Variants in STRN3 observed in about 807,000 individuals in gnomAD.
STRN3 encodes striatin 3.
STRN3 carries 29 observed loss-of-function variants against 95.6 expected under a neutral mutation model. That is an observed-to-expected ratio of 0.30 (90% CI 0.23 to 0.41). The LOEUF (loss-of-function observed/expected upper bound fraction) is 0.41, where lower values mean the gene tolerates loss of function less well. STRN3 is among the 10% of genes least tolerant of loss of function. STRN3 has a pLI of 1.00. For synonymous variants in STRN3, 331 were observed against 357.6 expected, an observed-to-expected ratio of 0.93 and a Z score of 0.84; for missense variants, 890 against 972.1, an observed-to-expected ratio of 0.92 and a Z score of 1.12.
chr14:31,004,791 T>G (rs1882640973), intron 1 of STRN3, among the ~76,000 whole-genome samples: 4 of 152,080 alleles, frequency 2.6e-5, no homozygotes, highest in Admixed American at 2.6e-4. Context: ...AAAATTTTTT[T>G]TTTTTAAATC....
At chr14:30,994,175 G>A (rs781359241) in intron 1 of STRN3, among the ~76,000 whole-genome samples, 13 of 151,824 alleles carry the variant, frequency 8.6e-5, no homozygotes, top group Non-Finnish European at 1.9e-4. Flanking sequence ...CAGGCCTGGC[G>A]AGACGGGGTT....
At chr14:30,957,505 T>C (rs1053594615) in intron 1 of STRN3, among the ~76,000 whole-genome samples, 1 of 152,054 alleles carries the variant, frequency 6.6e-6, no homozygotes, top group East Asian at 1.9e-4. Flanking sequence ...AATCTTTCCA[T>C]TGTACCACCC....
At chr14:31,020,960 T>A (rs1363217430) in intron 1 of STRN3, among the ~76,000 whole-genome samples, 1 of 151,998 alleles carries the variant, frequency 6.6e-6, no homozygotes, top group Admixed American at 6.6e-5. Flanking sequence ...AAAGTCTGTG[T>A]CTCATACATC....
intron 1 of STRN3, among the ~76,000 whole-genome samples, chr14:30,971,395 G>C (rs917647745): frequency 6.6e-6 from 1 of 152,198 alleles, no homozygotes; most frequent in African/African-American, 2.4e-5. Context: ...AGGAATACCA[G>C]ATCAATTTAA....
intron 1 of STRN3, chr14:31,018,525 T>C (rs1298833825): frequency 1.6e-5 from 7 of 427,278 alleles, no homozygotes; most frequent in East Asian, 7.2e-5. Context: ...GAAACAACTA[T>C]GGTAAAGGAC....
At chr14:30,903,047 C>G (rs1265511530) in intron 15 of STRN3, among the ~76,000 whole-genome samples, 3 of 151,656 alleles carry the variant, frequency 2.0e-5, no homozygotes, top group African/African-American at 7.2e-5. Flanking sequence ...CCTACACTGA[C>G]AAAAACAAAA....
intron 1 of STRN3, among the ~76,000 whole-genome samples, chr14:31,024,359 G>T (rs1175678814): frequency 1.3e-5 from 2 of 152,158 alleles, no homozygotes; most frequent in Non-Finnish European, 2.9e-5. Flanking sequence ...AATTAAGTTT[G>T]CAGTATGTAG....
rs1566441354 is a variant in STRN3, at chr14:30,929,960, A to ACAAAAC, written c.989-650_989-649insGTTTTG. ...GGTCTACAACTAAGATTAGCAAAAA[A>ACAAAAC]AAAAAAAAAAAAAAAAAAACTCAAA... is the stretch of plus-strand genomic sequence containing the variant. On this transcript the variant is annotated intron_variant, in intron 7 of 17. Coordinates refer to ENST00000357479, the MANE Select transcript of STRN3 (RefSeq NM_001083893.2). Among the ~76,000 whole-genome samples the ACAAAAC allele has an allele frequency of 2.7e-3, 391 of 142,916 alleles. 5 individuals carry two copies. The highest frequency in any genetic ancestry group is 9.6e-3 in the African/African-American group (377 of 39,224). The allele number at this position is 142,916 out of a possible 152,430, so 93.8% of individuals were successfully genotyped here.
rs192347585 is a variant in STRN3, at chr14:30,965,088, G to C, written c.283-8846C>G. ...ACGATAACACACTATTTTGAGTATT[G>C]ACTTCCTTTCTTGCAGGCTTGATTT... On this transcript the variant is annotated intron_variant, in intron 1 of 17. Coordinates refer to ENST00000357479, the MANE Select transcript of STRN3 (RefSeq NM_001083893.2). Among the ~76,000 whole-genome samples the C allele has an allele frequency of 5.3e-5, 8 of 152,188 alleles. 1 individual carries two copies. The highest frequency in any genetic ancestry group is 3.9e-4 in the Admixed American group (6 of 15,292).
chr14:31,024,652 TAA>T (rs1317856720), intron 1 of STRN3, among the ~76,000 whole-genome samples: 2 of 152,178 alleles, frequency 1.3e-5, no homozygotes, highest in East Asian at 3.8e-4. Flanking sequence ...AGAACCAAAC[TAA>T]AGAGATGCAT....
At chr14:30,936,193 A>T (rs1878808463) in intron 6 of STRN3, among the ~76,000 whole-genome samples, 1 of 152,222 alleles carries the variant, frequency 6.6e-6, no homozygotes, top group Non-Finnish European at 1.5e-5. Flanking sequence ...ACATGAAGAG[A>T]CAGACTTCAG....
intron 1 of STRN3, among the ~76,000 whole-genome samples, chr14:31,002,154 G>A (rs1381490061): frequency 2.9e-5 from 2 of 69,690 alleles, no homozygotes; most frequent in Non-Finnish European, 2.5e-5. Context: ...CAACAAGAGT[G>A]AAATTCCATC....
intron 16 of STRN3, among the ~76,000 whole-genome samples, chr14:30,896,568 G>A (rs893670732): frequency 6.7e-6 from 1 of 150,096 alleles, no homozygotes; most frequent in Non-Finnish European, 1.5e-5. Flanking sequence ...AGAAAAGAAA[G>A]GGAAGGGGAG....
rs531687115 is a variant in STRN3 at position 30,975,109 on chromosome 14, C to T, written c.283-18867G>A. ...TTATTATAAGAAAAAGACACATACACGCATGCTTATAGCAGCACAATTCAT... is the reference window on the plus strand; with the variant it reads ...TTATTATAAGAAAAAGACACATACATGCATGCTTATAGCAGCACAATTCAT... On this transcript the variant is annotated intron_variant, in intron 1 of 17. Transcript: ENST00000357479. Among the ~76,000 whole-genome samples, 4 of 35,040 alleles carry T rather than the reference C, an allele frequency of 1.1e-4. No individual in the cohort carries two copies. The South Asian group carries it at 1.5e-3, about 13-fold the overall frequency. 23.0% of individuals were successfully genotyped at this position (35,040 alleles called of 152,430 possible).
intron 9 of STRN3, among the ~76,000 whole-genome samples, chr14:30,917,018 T>C (rs895300633): frequency 6.6e-6 from 1 of 152,132 alleles, no homozygotes; most frequent in African/African-American, 2.4e-5. Context: ...GAAGTTCCAC[T>C]CCTAGAAAAC....
At chr14:30,907,340 C>T (rs372358253) in intron 13 of STRN3, among the ~76,000 whole-genome samples, 1 of 150,912 alleles carries the variant, frequency 6.6e-6, no homozygotes, top group East Asian at 1.9e-4. Context: ...TACCATACAA[C>T]TCTCTCATTT....
chr14:30,982,941 C>G (rs1335061111), intron 1 of STRN3, among the ~76,000 whole-genome samples: 1 of 151,810 alleles, frequency 6.6e-6, no homozygotes, highest in Non-Finnish European at 1.5e-5. Context: ...ACACATGTAC[C>G]CTTTAATCTA....
chr14:31,000,512 T>C (rs1030443513), intron 1 of STRN3, among the ~76,000 whole-genome samples: 1 of 18,136 alleles, frequency 5.5e-5, no homozygotes, highest in African/African-American at 1.4e-4. Context: ...ACTGCAAGAA[T>C]CTTTAAAAAA....
Position 30,955,678 on chromosome 14 carries a change from T to G in STRN3, c.402A>C (p.Lys134Asn). The change falls in exon 3 of 18, where the codon AAA becomes AAC. Residue 134 changes from lysine to asparagine, a missense_variant. Coordinates refer to ENST00000357479, the MANE Select transcript of STRN3 (RefSeq NM_001083893.2). ...ALKQERAKYH[K>N]LKYGTELNQG... ...GGTTCAGTTCCGTGCCATATTTTAA[T>G]TTGTGATATTTTGCCCTGAAAATTT... 1 of 1,582,710 alleles carries G rather than the reference T, an allele frequency of 6.3e-7. No individual in the cohort carries two copies. The highest frequency in any genetic ancestry group is 2.3e-5 in the East Asian group (1 of 43,162).
Sources: gnomAD v4.1 joint callset for allele counts (sites outside exome capture counted in the v4.1 genomes callset) on GRCh38, gnomAD v4.1.1 for gene constraint, MANE v1.5 for transcripts, NCBI Gene and HGNC (gene_info 2026-07-23, HGNC 2026-07-21) for gene names.